The following NXPE2 variants were observed in gnomAD, a reference collection of about 807,000 sequenced individuals.
The protein encoded by NXPE2 is NXPE family member 2.
NXPE2 carries 34 observed loss-of-function variants against 34.4 expected under a neutral mutation model. That is an observed-to-expected ratio of 0.99 (90% CI 0.75 to 1.31). NXPE2 has a LOEUF of 1.31. Among genes scored for constraint, NXPE2 ranks in the 40% most tolerant of loss-of-function variants. The pLI, the probability that NXPE2 is intolerant of heterozygous loss-of-function variation, is 0.00. For missense variants in NXPE2, 649 were observed against 672.5 expected (o/e 0.97, Z 0.39); for synonymous variants, 235 against 231.3 (o/e 1.02, Z -0.15).
the NXPE2 span, among the ~76,000 whole-genome samples, chr11:114,793,031 C>G: frequency 6.6e-6 from 1 of 152,126 alleles, no homozygotes; most frequent in South Asian, 2.1e-4. Flanking sequence ...AAAAGCACCT[C>G]TTTATGTTGA....
At chr11:114,709,491 C>CCTTG (rs1859569802), downstream of NXPE2, among the ~76,000 whole-genome samples, 3 of 152,152 alleles carry the variant, frequency 2.0e-5, no homozygotes, top group South Asian at 6.2e-4. Flanking sequence ...CAGATAATGA[C>CCTTG]TATATTGCTA....
At chr11:114,523,077 C>T in the NXPE2 span, 2 of 1,612,292 alleles carry the variant, frequency 1.2e-6, no homozygotes, top group Admixed American at 1.7e-5. Flanking sequence ...CATGTCTCTT[C>T]TATTTTTTCT....
the NXPE2 span, among the ~76,000 whole-genome samples, chr11:114,730,983 A>G: frequency 1.3e-5 from 2 of 152,132 alleles, no homozygotes; most frequent in Non-Finnish European, 2.9e-5. Flanking sequence ...TCTTAGGAAG[A>G]ATGCTTCCCT....
chr11:114,644,762 A>G, the NXPE2 span, among the ~76,000 whole-genome samples: 4 of 152,146 alleles, frequency 2.6e-5, no homozygotes, highest in African/African-American at 9.6e-5. Flanking sequence ...CAAAGGGCCA[A>G]AAATACATAT....
the NXPE2 span, among the ~76,000 whole-genome samples, chr11:114,628,991 A>G: frequency 6.6e-6 from 1 of 152,110 alleles, no homozygotes. Flanking sequence ...GAATCTCTGA[A>G]TAGACCAATA....
the NXPE2 span, among the ~76,000 whole-genome samples, chr11:114,767,425 C>T: frequency 2.4e-4 from 37 of 152,276 alleles, no homozygotes; most frequent in East Asian, 6.6e-3. Context: ...CCCTTTGCTC[C>T]TTCCATCACT....
the NXPE2 span, among the ~76,000 whole-genome samples, chr11:114,618,066 G>A: frequency 6.6e-6 from 1 of 152,018 alleles, no homozygotes; most frequent in Non-Finnish European, 1.5e-5. Flanking sequence ...TGGATAATAA[G>A]TGTTGCCTCA....
At chr11:114,591,231 A>T in the NXPE2 span, among the ~76,000 whole-genome samples, 1 of 152,244 alleles carries the variant, frequency 6.6e-6, no homozygotes, top group East Asian at 1.9e-4. Flanking sequence ...TTACAAGAGC[A>T]CTTGAATTAA....
rs564258604 is a variant in NXPE2 at position 114,695,744 on chromosome 11, G to A, written c.133-2301G>A. Among the ~76,000 whole-genome samples, 7 of 152,060 alleles carry A rather than the reference G, an allele frequency of 4.6e-5. No homozygotes were observed. In the East Asian group the frequency reaches 1.4e-3, roughly 29 times the overall value. On this transcript the variant is annotated intron_variant, in intron 2 of 5. Coordinates refer to ENST00000389586, the MANE Select transcript of NXPE2 (RefSeq NM_182495.6). ...ACAGTGGCTAACGCCTGTAATCCCT[G>A]CACTTTGGGAGGCCAAGGCAGGCGG... is the stretch of plus-strand genomic sequence containing the variant.
chr11:114,636,685 A>G, the NXPE2 span, among the ~76,000 whole-genome samples: 15 of 152,170 alleles, frequency 9.9e-5, no homozygotes, highest in Non-Finnish European at 1.6e-4. Context: ...TTGATTTCAA[A>G]GAACATCTTT....
the NXPE2 span, among the ~76,000 whole-genome samples, chr11:114,642,034 A>G: frequency 2.4e-3 from 361 of 152,212 alleles, 3 homozygotes; most frequent in African/African-American, 8.3e-3. Context: ...TATTCTCTGC[A>G]TAGTTATTTC....
the NXPE2 span, among the ~76,000 whole-genome samples, chr11:114,649,857 T>C: frequency 6.6e-6 from 1 of 152,222 alleles, no homozygotes; most frequent in Non-Finnish European, 1.5e-5. Context: ...CTGACACTCC[T>C]TTCAGTTACA....
At chr11:114,740,356 A>T in the NXPE2 span, among the ~76,000 whole-genome samples, 1 of 152,006 alleles carries the variant, frequency 6.6e-6, no homozygotes, top group Non-Finnish European at 1.5e-5. Context: ...ATTGGCAGAC[A>T]CGTAGGTTGT....
At chr11:114,712,354 G>A in the NXPE2 span, among the ~76,000 whole-genome samples, 1 of 151,980 alleles carries the variant, frequency 6.6e-6, no homozygotes. Flanking sequence ...GAATGAAAAG[G>A]CAACCAACAG....
chr11:114,570,979 C>T, the NXPE2 span: 1 of 1,609,704 alleles, frequency 6.2e-7, no homozygotes, highest in East Asian at 2.2e-5. Flanking sequence ...TGATTTCCGA[C>T]TACATGTTGA....
chr11:114,754,500 T>C, the NXPE2 span, among the ~76,000 whole-genome samples: 1 of 152,200 alleles, frequency 6.6e-6, no homozygotes, highest in African/African-American at 2.4e-5. Context: ...TTTCTACAAA[T>C]GTCTGAGCCT....
the NXPE2 span, among the ~76,000 whole-genome samples, chr11:114,498,199 T>C: frequency 1.3e-5 from 2 of 152,104 alleles, no homozygotes; most frequent in Non-Finnish European, 2.9e-5. Context: ...TTTCATTTTG[T>C]TTACTCTGGT....
At chr11:114,535,021 C>A in the NXPE2 span, among the ~76,000 whole-genome samples, 1 of 152,118 alleles carries the variant, frequency 6.6e-6, no homozygotes. Context: ...ATGTTAAGGG[C>A]AGCCAGAGAG....
the NXPE2 span, among the ~76,000 whole-genome samples, chr11:114,577,185 G>A: frequency 5.0e-5 from 7 of 139,870 alleles, no homozygotes; most frequent in South Asian, 9.3e-4. Flanking sequence ...TATATAAAAT[G>A]TTATACACAC....
Sources: allele counts gnomAD v4.1 joint callset (sites outside exome capture counted in the v4.1 genomes callset), GRCh38; gene constraint gnomAD v4.1.1; transcripts MANE v1.5; gene names NCBI Gene and HGNC (gene_info 2026-07-23, HGNC 2026-07-21).